Variants in CD200R1L observed in about 807,000 individuals in gnomAD.
CD200R1L encodes CD200 receptor 1 like.
CD200R1L carries 14 observed loss-of-function variants against 24.8 expected under a neutral mutation model. The ratio of observed to expected loss-of-function variants is 0.56; its 90% CI spans 0.37 to 0.88. The LOEUF is 0.88. Among genes scored for constraint, CD200R1L ranks in the 40% least tolerant of loss-of-function variants. The pLI is 0.00. For missense variants in CD200R1L, 299 were observed against 297.8 expected, an observed-to-expected ratio of 1.00 and a Z score of -0.03; for synonymous variants, 111 against 109.2, an observed-to-expected ratio of 1.02 and a Z score of -0.11.
intron 7 of CD200R1L, among the ~76,000 whole-genome samples, chr3:112,816,737 C>A (rs1291901656): frequency 6.6e-6 from 1 of 152,112 alleles, no homozygotes; most frequent in Non-Finnish European, 1.5e-5. Context: ...ATTCCATAAT[C>A]AATGGAAATC....
In CD200R1L at chr3:112,827,153, C is replaced by T. The variant is rs762535035; in HGVS notation, c.456G>A (p.Trp152Ter). The change falls in exon 6 of 8, where the codon TGG becomes TGA. Residue 152 changes from tryptophan to a stop codon, truncating the protein, a stop_gained. Transcript: ENST00000488794. LOFTEE classifies it high-confidence loss of function. The part of the protein sequence containing the change: ...VTGKPAAQIS[W>*]IPEGSILATK... Reference sequence around the variant, plus strand: ...TGGCAAGAATAGATCCCTCTGGGATCCAGGAGATCTGGGCAGCTGGCTTCC... The same window carrying T: ...TGGCAAGAATAGATCCCTCTGGGATTCAGGAGATCTGGGCAGCTGGCTTCC... 6.2e-7 allele frequency: 1 copy of T among 1,613,556 alleles called. No individual in the cohort carries two copies. Among genetic ancestry groups the T allele is most frequent in the South Asian group, 1.1e-5 (1 of 91,036 alleles).
intron 2 of CD200R1L, among the ~76,000 whole-genome samples, chr3:112,840,574 C>T (rs139121303): frequency 4.7e-4 from 72 of 152,240 alleles, no homozygotes; most frequent in Admixed American, 1.5e-3. Flanking sequence ...TACAATTAGA[C>T]GTGAGATTTA....
At chr3:112,828,863 C>T (rs1307719737) in intron 4 of CD200R1L, among the ~76,000 whole-genome samples, 1 of 152,154 alleles carries the variant, frequency 6.6e-6, no homozygotes, top group Non-Finnish European at 1.5e-5. Context: ...TCAGAGATCT[C>T]ATCACTATAG....
At chr3:112,826,761 C>T (rs1184896263) in intron 6 of CD200R1L, among the ~76,000 whole-genome samples, 1 of 152,070 alleles carries the variant, frequency 6.6e-6, no homozygotes, top group Non-Finnish European at 1.5e-5. Flanking sequence ...TATTTCATAT[C>T]AAGAATTAAT....
intron 4 of CD200R1L, among the ~76,000 whole-genome samples, chr3:112,828,533 G>A (rs1328229785): frequency 6.6e-6 from 1 of 152,146 alleles, no homozygotes; most frequent in African/African-American, 2.4e-5. Flanking sequence ...TGGTGACATT[G>A]TCAAATATAG....
chr3:112,823,389 A>T (rs1048057072), intron 6 of CD200R1L, among the ~76,000 whole-genome samples: 28 of 152,230 alleles, frequency 1.8e-4, no homozygotes, highest in African/African-American at 6.8e-4. Flanking sequence ...TTCAGGTGGC[A>T]ATCTGGGACT....
chr3:112,836,704 T>C (rs1023992196), intron 3 of CD200R1L, among the ~76,000 whole-genome samples: 1 of 152,258 alleles, frequency 6.6e-6, no homozygotes, highest in Non-Finnish European at 1.5e-5. Context: ...GTAAAGTATA[T>C]TAGTAGATTA....
chr3:112,815,884 T>C lies in CD200R1L; in HGVS notation c.*79A>G. 1 of 773,224 alleles carries C rather than the reference T, an allele frequency of 1.3e-6. No individual in the cohort carries two copies. Among genetic ancestry groups the C allele is most frequent in the East Asian group, 2.4e-5 (1 of 41,176 alleles). 47.9% of individuals were successfully genotyped at this position (773,224 alleles called of 1,614,324 possible). A position where few individuals can be genotyped will look rare whatever the true frequency, so the allele number is the denominator to read the frequency against. On this transcript the variant is annotated 3_prime_UTR_variant, in exon 8 of 8. Transcript: ENST00000488794. The stretch of plus-strand genomic sequence containing the variant: ...AACATCATCCATGGCCCAAGTTCAC[T>C]GCTGGACCATCACTCATCTCACCAA...
Position 112,817,625 on chromosome 3 carries a change from C to T in CD200R1L, c.741-1650G>A, listed in dbSNP as rs751473550. 7.9e-5 allele frequency among the ~76,000 whole-genome samples: 12 copies of T among 152,324 alleles called. 1 individual carries two copies. Among genetic ancestry groups the T allele is most frequent in the Admixed American group, 3.3e-4 (5 of 15,296 alleles). Reference sequence around the variant, plus strand: ...CTTCTCTGCCCTGCCTCAGCCCCACCAACTGCACTAGAGTGTGATGTGAGC... The same window carrying T: ...CTTCTCTGCCCTGCCTCAGCCCCACTAACTGCACTAGAGTGTGATGTGAGC... On this transcript the variant is annotated intron_variant, in intron 7 of 7. Transcript: ENST00000488794.
intron 2 of CD200R1L, among the ~76,000 whole-genome samples, chr3:112,843,475 G>A (rs1471534179): frequency 6.6e-6 from 1 of 152,138 alleles, no homozygotes; most frequent in Non-Finnish European, 1.5e-5. Flanking sequence ...AGCTTCATAA[G>A]CAAAGAGAAA....
At chr3:112,846,226 A>C (rs4682440) in intron 1 of CD200R1L, among the ~76,000 whole-genome samples, 101,721 of 152,134 alleles carry the variant, frequency 0.67, 34,166 homozygotes, top group African/African-American at 0.73. Context: ...TGCTGATATC[A>C]TCTCCTCCAG....
rs751978544 is a variant in CD200R1L, at chr3:112,815,953, T to C, written c.*10A>G. 2 of 780,522 alleles carry C rather than the reference T, an allele frequency of 2.6e-6. No homozygotes were observed. Among genetic ancestry groups the C allele is most frequent in the Non-Finnish European group, 4.8e-6 (2 of 417,790 alleles). 48.3% of individuals were successfully genotyped at this position (780,522 alleles called of 1,614,324 possible). On this transcript the variant is annotated 3_prime_UTR_variant, in exon 8 of 8. Transcript: ENST00000488794. ...AGGAGGAGAAGCAAAAGAAGACCCT[T>C]CCTTCTTCTTTAAAGAACTTTTCTG...
At chr3:112,824,758 C>T (rs1938617182) in intron 6 of CD200R1L, among the ~76,000 whole-genome samples, 3 of 152,178 alleles carry the variant, frequency 2.0e-5, no homozygotes, top group Non-Finnish European at 4.4e-5. Context: ...TATGGAGGTG[C>T]TCTGACAGAG....
intron 3 of CD200R1L, among the ~76,000 whole-genome samples, chr3:112,830,637 A>G (rs1045920595): frequency 3.3e-5 from 5 of 151,844 alleles, no homozygotes; most frequent in Non-Finnish European, 7.4e-5. Context: ...AACAGAGCAT[A>G]GCCTTTGTAT....
At chr3:112,839,733 G>A (rs1476562875) in intron 2 of CD200R1L, among the ~76,000 whole-genome samples, 1 of 152,198 alleles carries the variant, frequency 6.6e-6, no homozygotes, top group African/African-American at 2.4e-5. Flanking sequence ...AAAAGCTGAG[G>A]AAACTGAGCA....
At chr3:112,830,710 TC>T (rs1470226299) in intron 3 of CD200R1L, among the ~76,000 whole-genome samples, 1 of 152,098 alleles carries the variant, frequency 6.6e-6, no homozygotes. Context: ...GATAAAAATT[TC>T]TACATGCCAA....
chr3:112,827,460 G>C lies in CD200R1L; in HGVS notation c.274C>G (p.Arg92Gly). ...CCGTCATGAGTGGTGTCCACCGGAC[G>C]AATCTGAAGGTCCGAATTCTGATCA... is the stretch of plus-strand genomic sequence containing the variant. ...RPDQNSDLQI[R>G]PVDTTHDGYY... is the part of the protein sequence containing the mutation. The change falls in exon 5 of 8, where the codon CGT becomes GGT. Residue 92 changes from arginine (R) to glycine (G), a missense_variant. Arg to Gly is a moderately radical substitution (Grantham distance 125, BLOSUM62 -2). Coordinates refer to ENST00000488794, the MANE Select transcript of CD200R1L (RefSeq NM_001199215.3). The C allele has an allele frequency of 1.2e-6, 2 of 1,614,192 alleles. No homozygotes were observed. The highest frequency in any genetic ancestry group is 1.7e-6 in the Non-Finnish European group (2 of 1,180,026).
At chr3:112,833,209 A>G (rs548990979) in intron 3 of CD200R1L, among the ~76,000 whole-genome samples, 1 of 152,342 alleles carries the variant, frequency 6.6e-6, no homozygotes, top group East Asian at 1.9e-4. Context: ...ACCCTCTAAT[A>G]GGATGCTAGT....
At chr3:112,839,764 C>G (rs1384340120) in intron 2 of CD200R1L, among the ~76,000 whole-genome samples, 1 of 152,188 alleles carries the variant, frequency 6.6e-6, no homozygotes, top group Non-Finnish European at 1.5e-5. Context: ...CTAAAGTCTC[C>G]TAAGTCTTTG....
Sources: gnomAD v4.1 joint callset for allele counts (sites outside exome capture counted in the v4.1 genomes callset) on GRCh38, gnomAD v4.1.1 for gene constraint, MANE v1.5 for transcripts, NCBI Gene and HGNC (gene_info 2026-07-23, HGNC 2026-07-21) for gene names.